The following ANO3 variants were observed in gnomAD, a reference collection of about 807,000 sequenced individuals.
ANO3 encodes anoctamin 3.
In ANO3, 99 loss-of-function variants were observed where a neutral mutation model predicts 144.8. That is an observed-to-expected ratio of 0.68 (90% CI 0.58 to 0.81). The LOEUF (loss-of-function observed/expected upper bound fraction) is 0.81, where lower values mean the gene tolerates loss of function less well. Ranked by LOEUF, ANO3 falls within the 30% of genes least tolerant of loss-of-function variation. The pLI is 0.00. For missense variants in ANO3, 905 were observed against 1,202.2 expected, an observed-to-expected ratio of 0.75 and a Z score of 3.66; for synonymous variants, 414 against 392.6, an observed-to-expected ratio of 1.05 and a Z score of -0.64.
intron 13 of ANO3, among the ~76,000 whole-genome samples, chr11:26,558,611 C>T (rs1284437635): frequency 6.6e-6 from 1 of 152,072 alleles, no homozygotes; most frequent in Non-Finnish European, 1.5e-5. Context: ...CCATATGGGA[C>T]ATTTTGCACC....
intron 3 of ANO3, among the ~76,000 whole-genome samples, chr11:26,455,434 A>T (rs1216731682): frequency 6.6e-6 from 1 of 152,078 alleles, no homozygotes; most frequent in Non-Finnish European, 1.5e-5. Flanking sequence ...CCAATAACAG[A>T]CAAACAGAGC....
At position 26,545,643 on chromosome 11, in the gene ANO3, T is replaced by C. The variant is rs1047385224; in HGVS notation, c.1155-1773T>C. On this transcript the variant is annotated intron_variant, in intron 11 of 26. Coordinates refer to ENST00000256737, the MANE Select transcript of ANO3 (RefSeq NM_031418.4). The stretch of plus-strand genomic sequence containing the variant: ...AAGCATAGATTTCCACATGGTTTCA[T>C]TGTATGATAGAAATTATTTCAGCAG... 4.0e-5 allele frequency among the ~76,000 whole-genome samples: 6 copies of C among 151,862 alleles called. No homozygotes were observed. The East Asian group carries it at 7.7e-4, about 20-fold the overall frequency.
intron 1 of ANO3, among the ~76,000 whole-genome samples, chr11:26,302,303 T>C (rs750360072): frequency 6.6e-6 from 1 of 152,132 alleles, no homozygotes; most frequent in Non-Finnish European, 1.5e-5. Flanking sequence ...GAGAATATTC[T>C]GGCCAACACG....
intron 1 of ANO3, among the ~76,000 whole-genome samples, chr11:26,342,513 T>C (rs1467071062): frequency 6.6e-6 from 1 of 152,218 alleles, no homozygotes; most frequent in Non-Finnish European, 1.5e-5. Flanking sequence ...GATGCCATCT[T>C]GGAAGCAGAC....
At chr11:26,291,314 G>C (rs547995882) in intron 1 of ANO3, among the ~76,000 whole-genome samples, 2 of 152,208 alleles carry the variant, frequency 1.3e-5, no homozygotes, top group Admixed American at 6.5e-5. Context: ...CTGCACATGA[G>C]ATGGATCTCC....
intron 17 of ANO3, among the ~76,000 whole-genome samples, chr11:26,610,191 G>A (rs754385956): frequency 1.3e-5 from 2 of 152,138 alleles, no homozygotes; most frequent in Non-Finnish European, 2.9e-5. Context: ...GATTACAGGC[G>A]TAAGCCACCG....
At chr11:26,295,043 C>A (rs1475960947) in intron 1 of ANO3, among the ~76,000 whole-genome samples, 7 of 151,912 alleles carry the variant, frequency 4.6e-5, no homozygotes, top group Non-Finnish European at 1.0e-4. Context: ...GGACTATAGG[C>A]GTGCACCCAC....
At chr11:26,383,888 C>CTTTTTTTTTTTTTTTT (rs61094091) in intron 1 of ANO3, among the ~76,000 whole-genome samples, 2 of 70,172 alleles carry the variant, frequency 2.9e-5, no homozygotes, top group African/African-American at 5.6e-5. Context: ...ATGCATTGTT[C>CTTTTTTTTTTTTTTTT]TTTTTTTTTT....
chr11:26,450,422 C>T (rs1421012549), intron 3 of ANO3, among the ~76,000 whole-genome samples: 9 of 152,174 alleles, frequency 5.9e-5, no homozygotes, highest in Non-Finnish European at 1.3e-4. Context: ...TAGGGAGAAG[C>T]AGGCTAACAA....
At chr11:26,221,150 G>A (rs35766300) in intron 1 of ANO3, among the ~76,000 whole-genome samples, 46,023 of 152,054 alleles carry the variant, frequency 0.3, 7,704 homozygotes, top group Non-Finnish European at 0.37. Context: ...TTAGGTAATC[G>A]AAGGAATGTG....
At chr11:26,293,402 A>T (rs1017197626) in intron 1 of ANO3, among the ~76,000 whole-genome samples, 5 of 151,014 alleles carry the variant, frequency 3.3e-5, no homozygotes, top group East Asian at 3.9e-4. Context: ...TTTTCTCCCA[A>T]CTTACTCAAT....
At chr11:26,333,659 CAG>C (rs1855120398) in intron 1 of ANO3, among the ~76,000 whole-genome samples, 1 of 152,172 alleles carries the variant, frequency 6.6e-6, no homozygotes, top group African/African-American at 2.4e-5. Flanking sequence ...CTGCGTAAGA[CAG>C]AATATGGGAC....
At chr11:26,641,656 G>C (rs1853154309) in intron 21 of ANO3, among the ~76,000 whole-genome samples, 1 of 152,062 alleles carries the variant, frequency 6.6e-6, no homozygotes, top group South Asian at 2.1e-4. Flanking sequence ...AGTTCTGGAA[G>C]GCTGGGGCCT....
chr11:26,535,742 C>A (rs1849492975), intron 9 of ANO3, among the ~76,000 whole-genome samples: 1 of 151,616 alleles, frequency 6.6e-6, no homozygotes, highest in African/African-American at 2.4e-5. Flanking sequence ...TCCACCACGC[C>A]CGGCTAATTT....
Position 26,627,165 on chromosome 11 carries a change from T to C in ANO3, c.1873+2667T>C, listed in dbSNP as rs142608922. On this transcript the variant is annotated intron_variant, in intron 18 of 26. Coordinates refer to ENST00000256737, the MANE Select transcript of ANO3 (RefSeq NM_031418.4). Reference sequence around the variant, plus strand: ...TAGAGTCTGTGCTCTGGAGCTAACATTGGAGAAACAATGTTTTGAAAGGGG... The same window carrying C: ...TAGAGTCTGTGCTCTGGAGCTAACACTGGAGAAACAATGTTTTGAAAGGGG... 4.9e-4 allele frequency among the ~76,000 whole-genome samples: 74 copies of C among 152,196 alleles called. No individual in the cohort carries two copies. The East Asian group carries it at 0.014, about 29-fold the overall frequency.
At chr11:26,582,321 T>C (rs2132861770) in intron 14 of ANO3, among the ~76,000 whole-genome samples, 1 of 152,330 alleles carries the variant, frequency 6.6e-6, no homozygotes, top group Non-Finnish European at 1.5e-5. Flanking sequence ...AGGTACTATA[T>C]CCAGTTCCAG....
chr11:26,368,240 T>C (rs1393708620), intron 1 of ANO3, among the ~76,000 whole-genome samples: 2 of 152,212 alleles, frequency 1.3e-5, no homozygotes, highest in Non-Finnish European at 2.9e-5. Context: ...GAGAGCTCTC[T>C]GCTTCATCAC....
intron 14 of ANO3, among the ~76,000 whole-genome samples, chr11:26,586,529 AGTCTCATTCTAT>A (rs1482818272): frequency 6.3e-5 from 3 of 47,434 alleles, no homozygotes; most frequent in African/African-American, 1.9e-4. Context: ...TTTGAGACAT[AGTCTCATTCTAT>A]CGCCAGGCTG....
chr11:26,494,547 T>C (rs1412021905), intron 4 of ANO3, among the ~76,000 whole-genome samples: 1 of 152,214 alleles, frequency 6.6e-6, no homozygotes, highest in African/African-American at 2.4e-5. Flanking sequence ...TGCTTCCACT[T>C]ACCTTAGAGG....
Sources: allele counts gnomAD v4.1 joint callset (sites outside exome capture counted in the v4.1 genomes callset), GRCh38; gene constraint gnomAD v4.1.1; transcripts MANE v1.5; gene names NCBI Gene and HGNC (gene_info 2026-07-23, HGNC 2026-07-21).